Variants in TOX observed in about 807,000 individuals in gnomAD.
TOX encodes the protein thymocyte selection associated high mobility group box.
A neutral mutation model predicts 53.7 loss-of-function variants in TOX; 11 were observed. The ratio of observed to expected loss-of-function variants is 0.20; its 90% CI spans 0.13 to 0.34. The LOEUF is 0.34. Ranked by LOEUF, TOX falls within the 10% of genes least tolerant of loss-of-function variation. The pLI is 1.00. For synonymous variants in TOX, 225 were observed against 245.3 expected, an observed-to-expected ratio of 0.92 and a Z score of 0.77; for missense variants, 570 against 664.6, an observed-to-expected ratio of 0.86 and a Z score of 1.56.
At chr8:59,102,038 T>C (rs1369537878) in intron 1 of TOX, among the ~76,000 whole-genome samples, 3 of 152,170 alleles carry the variant, frequency 2.0e-5, no homozygotes, top group African/African-American at 7.2e-5. Flanking sequence ...TCAGTTTGTT[T>C]TCATGCTGCT....
In TOX at chr8:58,895,306, A is replaced by G. The variant is rs527578073; in HGVS notation, c.412-43501T>C. On this transcript the variant is annotated intron_variant, in intron 3 of 8. Transcript: ENST00000361421. ...AGTTAGTCTTTGGAAAAGTTTAAAA[A>G]AGATTTAGAGGGTCTATCTGTATAA... is the stretch of plus-strand genomic sequence containing the variant. Among the ~76,000 whole-genome samples, 6 of 152,338 alleles carry G rather than the reference A, an allele frequency of 3.9e-5. No homozygotes were observed. The South Asian group carries it at 1.0e-3, about 26-fold the overall frequency.
Position 58,838,211 on chromosome 8 carries a change from A to G in TOX, c.794T>C (p.Val265Ala). The G allele has an allele frequency of 6.2e-7, 1 of 1,614,214 alleles. No homozygotes were observed. The change falls in exon 5 of 9, where the codon GTG becomes GCG. Residue 265 changes from valine (V) to alanine (A), a missense_variant. Val to Ala is a moderately conservative substitution (Grantham distance 64, BLOSUM62 0). This residue lies in a region of TOX where 49 missense variants were observed against 98.9 expected (regional missense o/e 0.50). Transcript: ENST00000361421. The part of the protein sequence containing the change: ...KKDPNEPQKP[V>A]SAYALFFRDT... ...ACGAAAGAATAACGCATAGGCAGACACAGGCTTCTGGGGCTCATTGGGATC... is the reference window on the plus strand; with the variant it reads ...ACGAAAGAATAACGCATAGGCAGACGCAGGCTTCTGGGGCTCATTGGGATC...
intron 3 of TOX, among the ~76,000 whole-genome samples, chr8:58,907,799 C>T (rs996244606): frequency 1.4e-4 from 21 of 152,112 alleles, no homozygotes; most frequent in Admixed American, 1.4e-3. Flanking sequence ...AAACTAGTGG[C>T]AATTCCTCGA....
chr8:59,106,343 T>A (rs752398211), intron 1 of TOX, among the ~76,000 whole-genome samples: 11 of 152,118 alleles, frequency 7.2e-5, no homozygotes, highest in Admixed American at 2.6e-4. Flanking sequence ...TAAACACACT[T>A]CGTATAGCAA....
In TOX at chr8:58,806,045, A is replaced by T. The variant is rs1014006808; in HGVS notation, c.*1702T>A. 1.3e-5 allele frequency: 2 copies of T among 152,620 alleles called. No homozygotes were observed. Among genetic ancestry groups the T allele is most frequent in the African/African-American group, 4.8e-5 (2 of 41,456 alleles). 9.5% of individuals were successfully genotyped at this position (152,620 alleles called of 1,614,324 possible). Reference sequence around the variant, plus strand: ...CAACCAGACTAACTTTCTTGATATGATCCCCTAAAAAGGAGTAAATCTGCT... The same window carrying T: ...CAACCAGACTAACTTTCTTGATATGTTCCCCTAAAAAGGAGTAAATCTGCT... On this transcript the variant is annotated 3_prime_UTR_variant, in exon 9 of 9. Transcript: ENST00000361421.
intron 4 of TOX, among the ~76,000 whole-genome samples, chr8:58,850,751 G>T (rs982666816): frequency 5.3e-5 from 8 of 152,164 alleles, no homozygotes; most frequent in Admixed American, 4.6e-4. Context: ...TTGTCATCAG[G>T]CTAAATAAAT....
chr8:58,912,828 C>T (rs561007089), intron 3 of TOX, among the ~76,000 whole-genome samples: 1 of 152,196 alleles, frequency 6.6e-6, no homozygotes, highest in Admixed American at 6.5e-5. Flanking sequence ...AGCATGATGA[C>T]AATGCTAACC....
At chr8:58,880,694 T>C (rs762897532) in intron 3 of TOX, among the ~76,000 whole-genome samples, 2 of 152,120 alleles carry the variant, frequency 1.3e-5, no homozygotes, top group South Asian at 2.1e-4. Context: ...CACAGAAAAA[T>C]GGTGAGCTGA....
chr8:58,824,515 C>A (rs1370098643), intron 6 of TOX, among the ~76,000 whole-genome samples: 1 of 152,170 alleles, frequency 6.6e-6, no homozygotes, highest in Admixed American at 6.5e-5. Flanking sequence ...CATTTTGCCA[C>A]CCTGAGTCTC....
chr8:58,831,777 C>T (rs1436307532), intron 5 of TOX, among the ~76,000 whole-genome samples: 1 of 152,250 alleles, frequency 6.6e-6, no homozygotes, highest in East Asian at 1.9e-4. Context: ...TCCATGGTCT[C>T]AGGTTTCTCC....
chr8:58,817,551 A>T (rs1286183310), intron 6 of TOX, among the ~76,000 whole-genome samples: 1 of 152,230 alleles, frequency 6.6e-6, no homozygotes, highest in Non-Finnish European at 1.5e-5. Context: ...ATGTACTGCA[A>T]TTCATATGCC....
chr8:58,817,780 G>T (rs2129164893), intron 6 of TOX, among the ~76,000 whole-genome samples: 1 of 152,052 alleles, frequency 6.6e-6, no homozygotes, highest in South Asian at 2.1e-4. Context: ...TTGCTTTATA[G>T]GTGTTGTTTT....
intron 3 of TOX, among the ~76,000 whole-genome samples, chr8:58,876,144 A>C (rs1811279552): frequency 6.6e-6 from 1 of 152,136 alleles, no homozygotes; most frequent in Admixed American, 6.5e-5. Context: ...AATACATGTT[A>C]GTGTACAATC....
At chr8:58,837,481 A>G (rs1046967012) in intron 5 of TOX, among the ~76,000 whole-genome samples, 7 of 152,144 alleles carry the variant, frequency 4.6e-5, no homozygotes, top group African/African-American at 1.7e-4. Flanking sequence ...TGTCCGTGGT[A>G]TCTCACGTGG....
At chr8:58,957,940 A>C (rs938224904) in intron 2 of TOX, among the ~76,000 whole-genome samples, 2 of 152,224 alleles carry the variant, frequency 1.3e-5, no homozygotes, top group Non-Finnish European at 2.9e-5. Flanking sequence ...AAACAAAAGG[A>C]ATGTTAAGTG....
intron 5 of TOX, among the ~76,000 whole-genome samples, chr8:58,832,503 A>C (rs917265077): frequency 4.6e-5 from 7 of 152,176 alleles, no homozygotes; most frequent in Non-Finnish European, 8.8e-5. Context: ...TTTTATCAGA[A>C]GATAAAGGGG....
intron 1 of TOX, among the ~76,000 whole-genome samples, chr8:59,088,536 A>G (rs1160471752): frequency 6.6e-6 from 1 of 152,200 alleles, no homozygotes; most frequent in African/African-American, 2.4e-5. Flanking sequence ...TTTGGACATC[A>G]TAGTCCCTGT....
intron 4 of TOX, among the ~76,000 whole-genome samples, chr8:58,840,789 G>T (rs1375259398): frequency 2.6e-5 from 4 of 151,938 alleles, no homozygotes; most frequent in Admixed American, 6.6e-5. Flanking sequence ...CTTTCCTGTC[G>T]ATTAGCTCTC....
intron 1 of TOX, among the ~76,000 whole-genome samples, chr8:58,960,320 C>T (rs957465009): frequency 1.6e-4 from 24 of 152,064 alleles, no homozygotes; most frequent in Non-Finnish European, 1.5e-4. Flanking sequence ...ATTTTGCACG[C>T]CATGTATACA....
Sources: gnomAD v4.1 joint callset for allele counts (sites outside exome capture counted in the v4.1 genomes callset) on GRCh38, gnomAD v4.1.1 for gene constraint, gnomAD v4.1.1 regional missense constraint, MANE v1.5 for transcripts, NCBI Gene and HGNC (gene_info 2026-07-23, HGNC 2026-07-21) for gene names.